LEMD3: variants seen among roughly 807,000 people sequenced by gnomAD.
LEMD3 encodes the protein LEM domain containing 3, also known as inner nuclear membrane protein Man1.
LEMD3 carries 33 observed loss-of-function variants against 95.2 expected under a neutral mutation model. The observed-to-expected ratio is 0.35, with a 90% CI of 0.26 to 0.46. The LOEUF (loss-of-function observed/expected upper bound fraction) is 0.46, where lower values mean the gene tolerates loss of function less well. Ranked by LOEUF, LEMD3 falls within the 20% of genes least tolerant of loss-of-function variation. LEMD3 has a pLI of 1.00. For synonymous variants in LEMD3, 525 were observed against 474.6 expected, an observed-to-expected ratio of 1.11 and a Z score of -1.38; for missense variants, 1,210 against 1,192.8, an observed-to-expected ratio of 1.01 and a Z score of -0.21.
At chr12:65,240,825 G>A in intron 8 of LEMD3, 84 bp from the exon 9 acceptor site, 1 of 1,212,370 alleles carries the variant, frequency 8.2e-7, no homozygotes. Context: ...AACAGCTAGA[G>A]TTAACTATTA....
Position 65,169,650 on chromosome 12 carries a change from C to G in LEMD3, c.54C>G (p.Phe18Leu), listed in dbSNP as rs377077013. 2 of 1,586,088 alleles carry G rather than the reference C, an allele frequency of 1.3e-6. No homozygotes were observed. The highest frequency in any genetic ancestry group is 1.7e-6 in the Non-Finnish European group (2 of 1,167,654). The change falls in exon 1 of 13, where the codon TTC becomes TTG. Residue 18 changes from phenylalanine to leucine, a missense_variant. Phe to Leu is a conservative substitution (Grantham distance 22, BLOSUM62 0). Around this residue, in one of 2 missense-constraint regions of LEMD3, gnomAD observed 749 missense variants for 622.9 expected, o/e 1.20. Transcript: ENST00000308330. ...APQQLSDEEL[F>L]SQLRRYGLSP... ...AGCAGCTCTCGGATGAGGAGCTTTT[C>G]TCTCAGCTCCGCCGTTACGGCCTGT...
intron 3 of LEMD3, among the ~76,000 whole-genome samples, 178 bp from the exon 4 acceptor site, chr12:65,218,374 A>T (rs1270497600): frequency 1.3e-5 from 2 of 152,108 alleles, no homozygotes; most frequent in Admixed American, 1.3e-4. Context: ...CTTTGTTTAT[A>T]TTCTTACTGG....
intron 1 of LEMD3, among the ~76,000 whole-genome samples, chr12:65,180,411 A>T (rs1868866424): frequency 6.7e-6 from 1 of 150,126 alleles, no homozygotes. Flanking sequence ...ATTTTTTTAA[A>T]CAAGAGTTTA....
In LEMD3 at chr12:65,232,491, T is replaced by C. The variant is rs182530085; in HGVS notation, c.1696-6011T>C. On this transcript the variant is annotated intron_variant, in intron 4 of 12. Coordinates refer to ENST00000308330, the MANE Select transcript of LEMD3 (RefSeq NM_014319.5). ...TGAGTGAATAAGCCTCAGTAACATA[T>C]TTTTGTTTTCTTGAATTTAATTATT... Among the ~76,000 whole-genome samples the C allele has an allele frequency of 4.6e-3, 695 of 152,292 alleles. 5 individuals carry two copies. The highest frequency in any genetic ancestry group is 0.021 in the Middle Eastern group (6 of 292).
chr12:65,179,835 A>G (rs1438849809), intron 1 of LEMD3, among the ~76,000 whole-genome samples: 1 of 152,218 alleles, frequency 6.6e-6, no homozygotes. Context: ...CTGCCATTTA[A>G]TATGGGAACA....
At chr12:65,200,211 A>C (rs77618204) in intron 1 of LEMD3, among the ~76,000 whole-genome samples, 14 of 152,114 alleles carry the variant, frequency 9.2e-5, no homozygotes, top group Non-Finnish European at 1.5e-5. Flanking sequence ...TCCACCATCA[A>C]TCAGACTGGT....
At chr12:65,223,833 C>CTTTTTTTTTTTTTTT (rs71278238) in intron 4 of LEMD3, among the ~76,000 whole-genome samples, 1 of 125,698 alleles carries the variant, frequency 8.0e-6, no homozygotes. Flanking sequence ...TTTTTTGTGT[C>CTTTTTTTTTTTTTTT]TTTTTTTTTT....
At chr12:65,236,716 T>G (rs1225284288) in intron 4 of LEMD3, among the ~76,000 whole-genome samples, 1 of 152,158 alleles carries the variant, frequency 6.6e-6, no homozygotes, top group Admixed American at 6.5e-5. Context: ...GTATTATATT[T>G]GATAAATTTT....
rs187808169 is a variant in LEMD3, at chr12:65,232,537, G to A, written c.1696-5965G>A. On this transcript the variant is annotated intron_variant, in intron 4 of 12. Transcript: ENST00000308330. The stretch of plus-strand genomic sequence containing the variant: ...TTATTTATGTTTAATTCTTTATCCA[G>A]TTTTCTCCTTCAAAGGAAATTTAAA... Among the ~76,000 whole-genome samples, 71 of 152,070 alleles carry A rather than the reference G, an allele frequency of 4.7e-4. 2 individuals carry two copies. The East Asian group carries it at 0.012, about 25-fold the overall frequency.
chr12:65,237,554 A>G (rs576216425), intron 4 of LEMD3, among the ~76,000 whole-genome samples: 2 of 152,298 alleles, frequency 1.3e-5, no homozygotes, highest in East Asian at 3.9e-4. Flanking sequence ...TGTACTTTGA[A>G]TGGATCTTTT....
chr12:65,202,066 C>T (rs1384020994), intron 1 of LEMD3, among the ~76,000 whole-genome samples: 1 of 148,090 alleles, frequency 6.8e-6, no homozygotes, highest in Non-Finnish European at 1.5e-5. Context: ...GGCTGGAGTG[C>T]AATGGTGCAA....
At chr12:65,179,833 T>G (rs899212394) in intron 1 of LEMD3, among the ~76,000 whole-genome samples, 5 of 152,260 alleles carry the variant, frequency 3.3e-5, no homozygotes, top group African/African-American at 1.2e-4. Context: ...TGCTGCCATT[T>G]AATATGGGAA....
intron 1 of LEMD3, among the ~76,000 whole-genome samples, chr12:65,206,069 T>C (rs1869754685): frequency 6.6e-6 from 1 of 152,134 alleles, no homozygotes; most frequent in African/African-American, 2.4e-5. Context: ...GTCTGGATGA[T>C]AGTGAAATGC....
intron 4 of LEMD3, among the ~76,000 whole-genome samples, chr12:65,229,586 G>A (rs1022872243): frequency 6.6e-6 from 1 of 152,180 alleles, no homozygotes; most frequent in African/African-American, 2.4e-5. Context: ...TAACTGGGGT[G>A]AGTGAATATC....
chr12:65,239,973 T>C lies in LEMD3; in HGVS notation c.1966T>C (p.Trp656Arg), dbSNP rs1265523418. 6.2e-7 allele frequency: 1 copy of C among 1,612,470 alleles called. No homozygotes were observed. Among genetic ancestry groups the C allele is most frequent in the South Asian group, 1.1e-5 (1 of 91,058 alleles). Residue 656 changes from tryptophan to arginine, a missense_variant, in exon 7 of 13, where the codon TGG becomes CGG. By Grantham distance (101) the Trp-to-Arg change is moderately radical. Transcript: ENST00000308330. ...CVVLRYMKYRWTKEEEETRQM... is the reference protein window; with the variant it reads ...CVVLRYMKYRRTKEEEETRQM... ...CGTTCTGCGTTACATGAAATATCGA[T>C]GGACAAAAGAAGAGGAGGAAACAAG...
intron 1 of LEMD3, among the ~76,000 whole-genome samples, chr12:65,188,676 G>A (rs1207203588): frequency 6.6e-6 from 1 of 152,096 alleles, no homozygotes; most frequent in African/African-American, 2.4e-5. Context: ...TCCATCTTGA[G>A]TGCTTGACTA....
intron 1 of LEMD3, among the ~76,000 whole-genome samples, chr12:65,177,646 G>A (rs1258471361): frequency 6.6e-6 from 1 of 152,056 alleles, no homozygotes; most frequent in Non-Finnish European, 1.5e-5. Flanking sequence ...ACTTTTAAAT[G>A]TTTGTTTTTT....
At chr12:65,223,548 C>A (rs1439566721) in intron 4 of LEMD3, among the ~76,000 whole-genome samples, 1 of 152,012 alleles carries the variant, frequency 6.6e-6, no homozygotes, top group African/African-American at 2.4e-5. Context: ...AGTATGGCTA[C>A]CCCTACTCTT....
In LEMD3 at chr12:65,245,755, T is replaced by C. The variant is rs1871086803; in HGVS notation, c.2474T>C (p.Val825Ala). The change falls in exon 11 of 13, where the codon GTA becomes GCA. Residue 825 changes from valine to alanine, a missense_variant. This residue lies in a region of LEMD3 where 461 missense variants were observed against 569.8 expected (regional missense o/e 0.81). Transcript: ENST00000308330. ...AATGATGGCATTGTTCACATTGCAG[T>C]AGACAAAAATTCACGTGAGGTAAAG... ...SDNDGIVHIA[V>A]DKNSREGCVY... The C allele has an allele frequency of 6.2e-7, 1 of 1,613,644 alleles. No homozygotes were observed.
Sources: allele counts gnomAD v4.1 joint callset (sites outside exome capture counted in the v4.1 genomes callset), GRCh38; gene constraint gnomAD v4.1.1; regional missense constraint gnomAD v4.1.1; transcripts MANE v1.5; gene names NCBI Gene and HGNC (gene_info 2026-07-23, HGNC 2026-07-21).